Variants in XIRP2 observed in about 807,000 individuals in gnomAD.
XIRP2 encodes the protein xin actin binding repeat containing 2.
In XIRP2, 236 loss-of-function variants were observed where a neutral mutation model predicts 277.0. The observed-to-expected ratio is 0.85, with a 90% CI of 0.77 to 0.95. The LOEUF is 0.95. Among genes scored for constraint, XIRP2 ranks in the 40% least tolerant of loss-of-function variants. The probability of loss-of-function intolerance (pLI) is 0.00; values close to 1 mark genes in which losing one functional copy is unlikely to be tolerated. For missense variants in XIRP2, 4,640 were observed against 4,157.5 expected, an observed-to-expected ratio of 1.12 and a Z score of -3.19; for synonymous variants, 1,490 against 1,416.5, an observed-to-expected ratio of 1.05 and a Z score of -1.17.
At chr2:167,073,176 C>G (rs929273423) in intron 2 of XIRP2, among the ~76,000 whole-genome samples, 7 of 151,970 alleles carry the variant, frequency 4.6e-5, no homozygotes, top group African/African-American at 1.2e-4. Flanking sequence ...AATGATTTAT[C>G]TTTTTCTCTG....
At chr2:167,162,897 CT>C (rs1425106294) in intron 3 of XIRP2, among the ~76,000 whole-genome samples, 2 of 152,140 alleles carry the variant, frequency 1.3e-5, no homozygotes, top group Non-Finnish European at 2.9e-5. Context: ...TATTCTAGAA[CT>C]TTCTAAAATT....
rs545653288 is a variant in XIRP2, at chr2:167,146,332, T to G, written c.562+10270T>G. ...CTGGCCAACATGGTGAAACCCCATC[T>G]CTACTAAAAAATACAAAAATTAGCC... On this transcript the variant is annotated intron_variant, in intron 3 of 10. Transcript: ENST00000409195. 5.3e-5 allele frequency among the ~76,000 whole-genome samples: 8 copies of G among 151,978 alleles called. No homozygotes were observed. In the South Asian group the frequency reaches 1.5e-3, roughly 28 times the overall value.
In XIRP2 at chr2:166,940,633, A is replaced by G. The variant is rs58819684; in HGVS notation, c.408+36743A>G. Among the ~76,000 whole-genome samples the G allele has an allele frequency of 1.5e-3, 229 of 152,078 alleles. 8 individuals carry two copies. In the East Asian group the frequency reaches 0.038, roughly 25 times the overall value. On this transcript the variant is annotated intron_variant, in intron 2 of 10. Coordinates refer to ENST00000409195, the MANE Select transcript of XIRP2 (RefSeq NM_152381.6). The stretch of plus-strand genomic sequence containing the variant: ...GTACAGATGGGGTTTTGGTGTGGAT[A>G]TCCTTTCTGTTTGTTAGTTTTCCTT...
intron 2 of XIRP2, among the ~76,000 whole-genome samples, chr2:167,084,928 G>A (rs1219931533): frequency 1.3e-5 from 2 of 149,366 alleles, no homozygotes; most frequent in African/African-American, 4.9e-5. Context: ...GGGTTTTTTT[G>A]TGTCTCTATT....
chr2:166,917,041 A>G (rs1684903516), intron 2 of XIRP2, among the ~76,000 whole-genome samples: 1 of 152,152 alleles, frequency 6.6e-6, no homozygotes, highest in East Asian at 1.9e-4. Flanking sequence ...GTAACCCACT[A>G]TATGTCCTTC....
intron 4 of XIRP2, among the ~76,000 whole-genome samples, chr2:167,215,710 C>T (rs1694226810): frequency 6.6e-6 from 1 of 152,080 alleles, no homozygotes; most frequent in Non-Finnish European, 1.5e-5. Context: ...CCAAGTCTTC[C>T]AGTTGCAAGC....
chr2:167,164,346 T>G (rs944348784), intron 3 of XIRP2, among the ~76,000 whole-genome samples: 1 of 146,004 alleles, frequency 6.8e-6, no homozygotes, highest in African/African-American at 2.6e-5. Flanking sequence ...CTCGGGAGGC[T>G]GAGGCAGGAG....
intron 2 of XIRP2, among the ~76,000 whole-genome samples, chr2:167,103,009 C>A (rs1432633315): frequency 6.6e-6 from 1 of 152,136 alleles, no homozygotes; most frequent in Non-Finnish European, 1.5e-5. Context: ...CATGGTGGCT[C>A]ATGCCTGTAG....
chr2:167,117,307 C>A (rs1690923151), intron 2 of XIRP2, among the ~76,000 whole-genome samples: 1 of 152,128 alleles, frequency 6.6e-6, no homozygotes, highest in Non-Finnish European at 1.5e-5. Context: ...CCTCCCCACT[C>A]CCCGCCATAC....
In XIRP2 at chr2:167,210,872, G is replaced by A; in HGVS notation, c.700G>A (p.Asp234Asn). 6.2e-7 allele frequency: 1 copy of A among 1,614,110 alleles called. No homozygotes were observed. Among genetic ancestry groups the A allele is most frequent in the Non-Finnish European group, 8.5e-7 (1 of 1,179,994 alleles). Residue 234 changes from aspartate (D) to asparagine (N), a missense_variant, in exon 4 of 11, where the codon GAC becomes AAC. Coordinates refer to ENST00000409195, the MANE Select transcript of XIRP2 (RefSeq NM_152381.6). ...ARYQAAVSRG[D>N]CRSFSANMME... ...GTACCAGGCAGCTGTTTCCAGGGGT[G>A]ACTGCCGCAGCTTCTCTGCTAATGT...
At chr2:166,934,376 A>G (rs1023819711) in intron 2 of XIRP2, among the ~76,000 whole-genome samples, 7 of 152,086 alleles carry the variant, frequency 4.6e-5, no homozygotes, top group African/African-American at 1.7e-4. Context: ...CTTCAGCTGC[A>G]AGAAAGGGAA....
chr2:167,257,840 C>T lies in XIRP2; in HGVS notation c.*40-17C>T. The T allele has an allele frequency of 6.4e-7, 1 of 1,574,718 alleles. No homozygotes were observed. Among genetic ancestry groups the T allele is most frequent in the Non-Finnish European group, 8.6e-7 (1 of 1,164,612 alleles). ...CAGTAAATACGAACTGCTAAGTGTTCTTTTTCTTTTTGGCAGTTTGGGAAA... is the reference window on the plus strand; with the variant it reads ...CAGTAAATACGAACTGCTAAGTGTTTTTTTTCTTTTTGGCAGTTTGGGAAA... On this transcript the variant is annotated splice_polypyrimidine_tract_variant and intron_variant, in intron 10 of 10. Transcript: ENST00000409195.
intron 2 of XIRP2, among the ~76,000 whole-genome samples, chr2:166,911,681 G>A (rs1437360593): frequency 6.6e-6 from 1 of 152,182 alleles, no homozygotes; most frequent in Non-Finnish European, 1.5e-5. Context: ...TTGCTCATTA[G>A]TTGATGCGGT....
chr2:167,005,985 A>G (rs747629505), intron 2 of XIRP2, among the ~76,000 whole-genome samples: 1 of 151,712 alleles, frequency 6.6e-6, no homozygotes, highest in Non-Finnish European at 1.5e-5. Flanking sequence ...TCTTGGCACA[A>G]TCATAACTTT....
At chr2:167,165,174 A>G (rs1373385280) in intron 3 of XIRP2, among the ~76,000 whole-genome samples, 1 of 152,174 alleles carries the variant, frequency 6.6e-6, no homozygotes, top group Admixed American at 6.5e-5. Context: ...TCATGCATTG[A>G]TAGCTCATTT....
intron 2 of XIRP2, among the ~76,000 whole-genome samples, chr2:167,129,305 C>A (rs1007261911): frequency 5.3e-5 from 8 of 152,206 alleles, no homozygotes; most frequent in South Asian, 2.1e-4. Flanking sequence ...TAAATGTAGA[C>A]AAATCTAAAT....
intron 2 of XIRP2, among the ~76,000 whole-genome samples, chr2:167,126,386 A>G (rs1288329006): frequency 6.6e-6 from 1 of 152,116 alleles, no homozygotes; most frequent in Non-Finnish European, 1.5e-5. Context: ...CCCTCAGAAA[A>G]GTTCCCACGA....
In XIRP2 at chr2:166,903,642, C is replaced by T. The variant is rs1277134327; in HGVS notation, c.160C>T (p.Pro54Ser). Residue 54 changes from proline (P) to serine (S), a missense_variant, in exon 2 of 11, where the codon CCT becomes TCT. Transcript: ENST00000409195. ...LAPEGEVVSAPQSLDPTSLPY... is the reference protein window; with the variant it reads ...LAPEGEVVSASQSLDPTSLPY... ...GCCTGAAGGAGAGGTAGTATCAGCA[C>T]CTCAATCTTTGGATCCCACAAGTCT... 12 of 1,613,492 alleles carry T rather than the reference C, an allele frequency of 7.4e-6. No homozygotes were observed. The highest frequency in any genetic ancestry group is 9.3e-6 in the Non-Finnish European group (11 of 1,179,760).
At chr2:167,018,531 G>A (rs986811962) in intron 2 of XIRP2, among the ~76,000 whole-genome samples, 6 of 151,958 alleles carry the variant, frequency 3.9e-5, no homozygotes, top group Non-Finnish European at 5.9e-5. Flanking sequence ...CCACCTGGAG[G>A]GAAGATTCTC....
Sources: allele counts gnomAD v4.1 joint callset (sites outside exome capture counted in the v4.1 genomes callset), GRCh38; gene constraint gnomAD v4.1.1; transcripts MANE v1.5; gene names NCBI Gene and HGNC (gene_info 2026-07-23, HGNC 2026-07-21).